Variants in SLC4A4 observed in about 807,000 individuals in gnomAD.
The protein encoded by SLC4A4 is solute carrier family 4 member 4, also known as electrogenic sodium bicarbonate cotransporter 1.
In SLC4A4, 27 loss-of-function variants were observed where a neutral mutation model predicts 111.5. The observed-to-expected ratio is 0.24, with a 90% CI of 0.18 to 0.33. The LOEUF (loss-of-function observed/expected upper bound fraction) is 0.33. Ranked by LOEUF, SLC4A4 falls within the 10% of genes least tolerant of loss-of-function variation. The pLI is 1.00. For missense variants in SLC4A4, 909 were observed against 1,315.5 expected (o/e 0.69, Z 4.78); for synonymous variants, 443 against 463.4 (o/e 0.96, Z 0.57).
intron 14 of SLC4A4, among the ~76,000 whole-genome samples, chr4:71,481,806 A>G (rs1728907547): frequency 6.6e-6 from 1 of 151,726 alleles, no homozygotes; most frequent in Admixed American, 6.6e-5. Context: ...GGGAAGGAGG[A>G]AAGAGATATG....
At chr4:71,164,280 G>A (rs946536183) in intron 2 of SLC4A4, among the ~76,000 whole-genome samples, 7 of 151,708 alleles carry the variant, frequency 4.6e-5, no homozygotes, top group African/African-American at 1.7e-4. Flanking sequence ...ACTCAAGAGA[G>A]TGAGACAGGA....
intron 3 of SLC4A4, among the ~76,000 whole-genome samples, chr4:71,284,045 T>A (rs1723725133): frequency 1.3e-5 from 2 of 152,200 alleles, no homozygotes; most frequent in South Asian, 4.1e-4. Flanking sequence ...CCCACGGTGA[T>A]AAGGGTAGTA....
intron 3 of SLC4A4, among the ~76,000 whole-genome samples, chr4:71,269,954 T>C (rs977049001): frequency 2.6e-5 from 4 of 152,192 alleles, no homozygotes; most frequent in African/African-American, 9.6e-5. Context: ...CAGGTGGCTG[T>C]GAAGGTTACC....
intron 1 of SLC4A4, among the ~76,000 whole-genome samples, chr4:71,193,127 T>C (rs1478850113): frequency 1.3e-5 from 2 of 152,226 alleles, no homozygotes; most frequent in African/African-American, 4.8e-5. Context: ...TTCCAGTTTT[T>C]GGCCATTATG....
intron 1 of SLC4A4, among the ~76,000 whole-genome samples, chr4:71,065,749 TATC>T (rs1191639597): frequency 6.6e-6 from 1 of 152,168 alleles, no homozygotes; most frequent in African/African-American, 2.4e-5. Flanking sequence ...ACCTTTCAGT[TATC>T]ATTTCAATGT....
intron 2 of SLC4A4, among the ~76,000 whole-genome samples, chr4:71,131,549 T>G (rs1287479196): frequency 6.6e-6 from 1 of 152,238 alleles, no homozygotes; most frequent in Non-Finnish European, 1.5e-5. Flanking sequence ...GCATTGTGCC[T>G]GGAATTACTA....
At chr4:71,086,907 G>C (rs1376921987) in intron 1 of SLC4A4, among the ~76,000 whole-genome samples, 1 of 151,922 alleles carries the variant, frequency 6.6e-6, no homozygotes. Context: ...TATCAGGATG[G>C]TGCTGGCCTC....
chr4:71,100,725 A>G (rs115660853), intron 2 of SLC4A4, among the ~76,000 whole-genome samples: 2,104 of 152,328 alleles, frequency 0.014, 64 homozygotes, highest in African/African-American at 0.048. Flanking sequence ...AAGCTCCTTC[A>G]GGTGATAAAC....
At chr4:71,534,137 T>A in intron 17 of SLC4A4, 90 bp from the exon 18 acceptor site, 1 of 1,067,252 alleles carries the variant, frequency 9.4e-7, no homozygotes, top group Non-Finnish European at 1.4e-6. Flanking sequence ...GTTATCCAAA[T>A]ATAAAAGCAT....
chr4:71,157,900 G>A (rs959529277), intron 2 of SLC4A4, among the ~76,000 whole-genome samples: 6 of 152,112 alleles, frequency 3.9e-5, no homozygotes, highest in African/African-American at 1.4e-4. Flanking sequence ...ATAGATCAGG[G>A]AAGTTAACAC....
chr4:71,346,595 T>C (rs1040968309), intron 4 of SLC4A4, among the ~76,000 whole-genome samples: 3 of 151,938 alleles, frequency 2.0e-5, no homozygotes, highest in African/African-American at 7.2e-5. Context: ...TTGAATAGGG[T>C]GAACTTTGGT....
intron 6 of SLC4A4, among the ~76,000 whole-genome samples, chr4:71,361,476 A>G (rs959458416): frequency 3.3e-5 from 5 of 152,370 alleles, no homozygotes; most frequent in African/African-American, 1.2e-4. Flanking sequence ...TGTAAATTCT[A>G]TGGGCATGCC....
At chr4:71,089,855 G>A (rs1271988114) in intron 1 of SLC4A4, among the ~76,000 whole-genome samples, 1 of 151,012 alleles carries the variant, frequency 6.6e-6, no homozygotes, top group East Asian at 2.0e-4. Context: ...GAACCCACTT[G>A]AGGAGGCAGT....
At chr4:71,352,616 C>G (rs1456158061) in intron 5 of SLC4A4, among the ~76,000 whole-genome samples, 1 of 152,178 alleles carries the variant, frequency 6.6e-6, no homozygotes. Flanking sequence ...TTACTGAACT[C>G]TTTTGGAGTC....
chr4:71,483,364 C>T (rs531519941), intron 14 of SLC4A4, among the ~76,000 whole-genome samples: 1 of 151,982 alleles, frequency 6.6e-6, no homozygotes, highest in Non-Finnish European at 1.5e-5. Context: ...GTGTTGTTCT[C>T]CTTTATGTGT....
chr4:71,063,320 T>C (rs1741435076), intron 1 of SLC4A4, among the ~76,000 whole-genome samples: 1 of 152,154 alleles, frequency 6.6e-6, no homozygotes, highest in African/African-American at 2.4e-5. Flanking sequence ...TCGGGTACAG[T>C]AATTTGCCAA....
chr4:71,461,243 A>G (rs182924531), intron 12 of SLC4A4, among the ~76,000 whole-genome samples: 2 of 152,266 alleles, frequency 1.3e-5, no homozygotes, highest in Non-Finnish European at 2.9e-5. Context: ...ATGCTTTATC[A>G]TTTGATGCCA....
At chr4:71,366,953 G>C (rs1291417412) in intron 6 of SLC4A4, among the ~76,000 whole-genome samples, 1 of 152,176 alleles carries the variant, frequency 6.6e-6, no homozygotes, top group African/African-American at 2.4e-5. Context: ...CTGCCAGATG[G>C]CTCCAGTCAG....
chr4:71,115,912 G>T (rs752678070), intron 2 of SLC4A4, among the ~76,000 whole-genome samples: 108 of 151,522 alleles, frequency 7.1e-4, no homozygotes, highest in Non-Finnish European at 2.9e-4. Context: ...TTTGTTTTTG[G>T]AGACGGAGTT....
Sources: gnomAD v4.1 joint callset for allele counts (sites outside exome capture counted in the v4.1 genomes callset) on GRCh38, gnomAD v4.1.1 for gene constraint, MANE v1.5 for transcripts, NCBI Gene and HGNC (gene_info 2026-07-23, HGNC 2026-07-21) for gene names.